Variants in TEX22 observed in about 807,000 individuals in gnomAD.
TEX22 encodes the protein testis expressed 22.
A neutral mutation model predicts 11.3 loss-of-function variants in TEX22; 16 were observed. The observed-to-expected ratio is 1.42, with a 90% confidence interval of 0.96 to 2.15. The LOEUF is 2.15. Among genes scored for constraint, TEX22 ranks in the 30% most tolerant of loss-of-function variants. TEX22 has a pLI of 0.00. For synonymous variants in TEX22, 97 were observed against 92.3 expected, an observed-to-expected ratio of 1.05 and a Z score of -0.29; for missense variants, 220 against 208.6, an observed-to-expected ratio of 1.05 and a Z score of -0.34.
At chr14:105,399,690 T>A (rs2081613849) in intron 2 of TEX22, among the ~76,000 whole-genome samples, 200 bp downstream of exon 2, 1 of 151,714 alleles carries the variant, frequency 6.6e-6, no homozygotes, top group Non-Finnish European at 1.5e-5. Context: ...ACCTGCACCC[T>A]TCTTGCTTCC....
chr14:105,408,171 G>A (rs1244306113), intron 2 of TEX22, among the ~76,000 whole-genome samples: 3 of 152,046 alleles, frequency 2.0e-5, no homozygotes, highest in Admixed American at 6.5e-5. Context: ...AGCCCTTGCA[G>A]ACGTCCCACC....
intron 2 of TEX22, 141 bp from the exon 3 acceptor site, chr14:105,411,227 C>A (rs2081688040): frequency 2.0e-6 from 2 of 1,016,380 alleles, no homozygotes; most frequent in South Asian, 4.2e-5. Flanking sequence ...CGGGAGCTGG[C>A]GCTGGAGCAG....
chr14:105,399,414 C>T lies in TEX22; in HGVS notation c.74C>T (p.Pro25Leu). ...CTCTCCCAAGAGCACAGGCGGCCCC[C>T]ACTGGGCCTGATAGCAGCCTGGGGC... ...SHLSQEHRRP[P>L]LGLIAAWGQP... The change falls in exon 2 of 4, where the codon CCA becomes CTA. Residue 25 changes from proline to leucine, a missense_variant. Coordinates refer to ENST00000451127, the MANE Select transcript of TEX22 (RefSeq NM_001195082.2). The T allele has an allele frequency of 6.5e-7, 1 of 1,535,840 alleles. No individual in the cohort carries two copies. Among genetic ancestry groups the T allele is most frequent in the South Asian group, 1.2e-5 (1 of 84,066 alleles).
chr14:105,406,218 CA>C (rs1330305885), intron 2 of TEX22, among the ~76,000 whole-genome samples: 1 of 151,970 alleles, frequency 6.6e-6, no homozygotes, highest in Non-Finnish European at 1.5e-5. Flanking sequence ...TTTCGTAGGC[CA>C]AACACAAAAT....
chr14:105,407,441 C>T (rs372592321), intron 2 of TEX22, among the ~76,000 whole-genome samples: 3 of 151,182 alleles, frequency 2.0e-5, no homozygotes, highest in Admixed American at 6.6e-5. Flanking sequence ...GGCACCATGA[C>T]GGCTCACTGC....
intron 2 of TEX22, among the ~76,000 whole-genome samples, chr14:105,409,249 G>T (rs2081675714): frequency 6.6e-6 from 1 of 151,960 alleles, no homozygotes; most frequent in South Asian, 2.1e-4. Context: ...GTTCTCCTTG[G>T]TTTATCCTTT....
At chr14:105,401,670 C>T (rs587714638) in intron 2 of TEX22, among the ~76,000 whole-genome samples, 44 of 152,040 alleles carry the variant, frequency 2.9e-4, no homozygotes, top group African/African-American at 1.1e-3. Context: ...CAACATGGCA[C>T]ATGGATACAT....
intron 2 of TEX22, among the ~76,000 whole-genome samples, 179 bp from the exon 3 acceptor site, chr14:105,411,189 G>C (rs1015624403): frequency 6.6e-6 from 1 of 152,260 alleles, no homozygotes; most frequent in Non-Finnish European, 1.5e-5. Flanking sequence ...CAAAGCCACA[G>C]AGGGCCACAC....
In TEX22 at chr14:105,411,988, C is replaced by T; in HGVS notation, c.*155C>T. The T allele has an allele frequency of 1.4e-6, 1 of 737,418 alleles. No individual in the cohort carries two copies. Among genetic ancestry groups the T allele is most frequent in the Non-Finnish European group, 2.0e-6 (1 of 493,166 alleles). 45.7% of individuals were successfully genotyped at this position (737,418 alleles called of 1,614,324 possible). ...GCAGGACCTGGCTCCGGACAGCCTG[C>T]AGCTGCTGAGGCCTTGGAGACCGGG... On this transcript the variant is annotated 3_prime_UTR_variant, in exon 4 of 4. Transcript: ENST00000451127.
At position 105,399,467 on chromosome 14, in the gene TEX22, C is replaced by T. The variant is rs781891512; in HGVS notation, c.127C>T (p.Gln43Ter). 2.0e-6 allele frequency: 3 copies of T among 1,535,204 alleles called. No individual in the cohort carries two copies. The highest frequency in any genetic ancestry group is 2.0e-5 in the Admixed American group (1 of 50,930). ...GCCCAGTATCCAGAGCAGCGTTCAG[C>T]AGGGACTGCAGACTCAGGACTGGGT... ...GQPSIQSSVQ[Q>*]GLQTQDWVCE... Residue 43 changes from glutamine to a stop codon, truncating the protein, a stop_gained, in exon 2 of 4, where the codon CAG becomes TAG. Coordinates refer to ENST00000451127, the MANE Select transcript of TEX22 (RefSeq NM_001195082.2). LOFTEE classifies it high-confidence loss of function.
At position 105,411,368 on chromosome 14, in the gene TEX22, G is replaced by C; in HGVS notation, c.151G>C (p.Val51Leu). 2 of 1,330,634 alleles carry C rather than the reference G, an allele frequency of 1.5e-6. No individual in the cohort carries two copies. The highest frequency in any genetic ancestry group is 1.9e-6 in the Non-Finnish European group (2 of 1,039,870). 82.4% of individuals were successfully genotyped at this position (1,330,634 alleles called of 1,614,324 possible). A position where few individuals can be genotyped will look rare whatever the true frequency, so the allele number is the denominator to read the frequency against. ...GCCGACCCGCTGCCCTGTCCCCCAGGTGTGCGAGCCGCCGGAACGCAGGCG... is the reference window on the plus strand; with the variant it reads ...GCCGACCCGCTGCCCTGTCCCCCAGCTGTGCGAGCCGCCGGAACGCAGGCG... ...VQQGLQTQDW[V>L]CEPPERRRPG... Residue 51 changes from valine (V) to leucine (L), a missense_variant and splice_region_variant, in exon 3 of 4, where the codon GTG becomes CTG. Transcript: ENST00000451127.
At chr14:105,399,582 A>G (rs2141353468) in intron 2 of TEX22, 92 bp downstream of exon 2, 1 of 1,394,814 alleles carries the variant, frequency 7.2e-7, no homozygotes, top group Middle Eastern at 2.0e-4. Context: ...GGTCGTGATG[A>G]GCAGCCTCAG....
At chr14:105,398,969 AG>A (rs1488857618) in intron 1 of TEX22, among the ~76,000 whole-genome samples, 2 of 152,238 alleles carry the variant, frequency 1.3e-5, no homozygotes, top group Non-Finnish European at 2.9e-5. Context: ...GCGTGCCCGC[AG>A]TGCTGGCTGA....
In TEX22 at chr14:105,412,129, C is replaced by T; in HGVS notation, c.*296C>T. 1 of 284,396 alleles carries T rather than the reference C, an allele frequency of 3.5e-6. No homozygotes were observed. The highest frequency in any genetic ancestry group is 6.6e-6 in the Non-Finnish European group (1 of 152,216). 17.6% of individuals were successfully genotyped at this position (284,396 alleles called of 1,614,324 possible). ...GCCCTCGGGGCCGCTGGGAGGAGGC[C>T]TGGGGTACCTGGGCCTGCCTGAGGT... is the stretch of plus-strand genomic sequence containing the variant. On this transcript the variant is annotated 3_prime_UTR_variant, in exon 4 of 4. Coordinates refer to ENST00000451127, the MANE Select transcript of TEX22 (RefSeq NM_001195082.2). The surrounding 1 kb of genome is among the most constrained non-coding windows in gnomAD (Gnocchi z 5.8).
rs189732167 is a variant in TEX22, at chr14:105,409,038, C to A, written c.151-2330C>A. Among the ~76,000 whole-genome samples the A allele has an allele frequency of 7.2e-4, 108 of 149,634 alleles. 1 individual carries two copies. Among genetic ancestry groups the A allele is most frequent in the Admixed American group, 2.5e-3 (37 of 14,808 alleles). On this transcript the variant is annotated intron_variant, in intron 2 of 3. Coordinates refer to ENST00000451127, the MANE Select transcript of TEX22 (RefSeq NM_001195082.2). ...CCTAAACCTTCCAACAAATCTAGGACTCTCCTCTCACAGACCCCTGTACAT... is the reference window on the plus strand; with the variant it reads ...CCTAAACCTTCCAACAAATCTAGGAATCTCCTCTCACAGACCCCTGTACAT...
At chr14:105,407,269 T>C (rs1555418950) in intron 2 of TEX22, among the ~76,000 whole-genome samples, 1 of 152,074 alleles carries the variant, frequency 6.6e-6, no homozygotes, top group Non-Finnish European at 1.5e-5. Flanking sequence ...GGTTTCATCA[T>C]GTTGCTCAGG....
At chr14:105,411,527 T>TGC in intron 3 of TEX22, 31 bp downstream of exon 3, 1 of 568,110 alleles carries the variant, frequency 1.8e-6, no homozygotes, top group Non-Finnish European at 2.1e-6. Context: ...CCCCGCCCCG[T>TGC]CCCCGCCCCG....
rs1159153044 is a variant in TEX22 at position 105,411,527 on chromosome 14, TCCCCG to T, written c.279+46_279+50del. 59 of 568,938 alleles carry T rather than the reference TCCCCG, an allele frequency of 1.0e-4. 2 individuals carry two copies. The highest frequency in any genetic ancestry group is 1.5e-4 in the African/African-American group (5 of 34,064). 35.2% of individuals were successfully genotyped at this position (568,938 alleles called of 1,614,324 possible). A position where few individuals can be genotyped will look rare whatever the true frequency, so the allele number is the denominator to read the frequency against. ...CGGGGGGCGGGTCCTCCCCGCCCCGTCCCCGCCCCGCCCCGCCCCTCCGCCTCGCC... is the reference window on the plus strand; with the variant it reads ...CGGGGGGCGGGTCCTCCCCGCCCCGTCCCCGCCCCGCCCCTCCGCCTCGCC... On this transcript the variant is annotated intron_variant, in intron 3 of 3. Transcript: ENST00000451127.
At position 105,412,107 on chromosome 14, in the gene TEX22, C is replaced by A; in HGVS notation, c.*274C>A. The stretch of plus-strand genomic sequence containing the variant: ...AAGGCCTGGGTAGCAGGAGCTTGCC[C>A]TCGGGGCCGCTGGGAGGAGGCCTGG... On this transcript the variant is annotated 3_prime_UTR_variant, in exon 4 of 4. Transcript: ENST00000451127. The surrounding 1 kb of genome is among the most constrained non-coding windows in gnomAD (Gnocchi z 5.8). The A allele has an allele frequency of 3.1e-6, 1 of 322,984 alleles. No homozygotes were observed. Among genetic ancestry groups the A allele is most frequent in the Non-Finnish European group, 5.7e-6 (1 of 176,594 alleles). 20.0% of individuals were successfully genotyped at this position (322,984 alleles called of 1,614,324 possible).
Sources: allele counts gnomAD v4.1 joint callset (sites outside exome capture counted in the v4.1 genomes callset), GRCh38; gene constraint gnomAD v4.1.1; non-coding constraint Gnocchi (gnomAD v3.1); transcripts MANE v1.5; gene names NCBI Gene and HGNC (gene_info 2026-07-23, HGNC 2026-07-21).